The following MEP1A variants were observed in gnomAD, a reference collection of about 807,000 sequenced individuals.
MEP1A encodes the protein meprin A subunit alpha, also known as N-benzoyl-L-tyrosyl-P-amino-benzoic acid hydrolase subunit alpha.
In MEP1A, 68 loss-of-function variants were observed where a neutral mutation model predicts 84.5. The ratio of observed to expected loss-of-function variants is 0.80; its 90% CI spans 0.66 to 0.98. The LOEUF is 0.98. Among genes scored for constraint, MEP1A ranks in the 50% least tolerant of loss-of-function variants. MEP1A has a pLI of 0.00. For missense variants in MEP1A, 887 were observed against 919.9 expected (o/e 0.96, Z 0.46); for synonymous variants, 337 against 336.8 (o/e 1.00, Z -0.01).
At chr6:46,808,313 A>G (rs1767412109) in intron 5 of MEP1A, among the ~76,000 whole-genome samples, 1 of 152,018 alleles carries the variant, frequency 6.6e-6, no homozygotes, top group Admixed American at 6.6e-5. Flanking sequence ...TTTATTGACT[A>G]TTCCCATGAC....
At chr6:46,807,770 GGAAA>G (rs545795578) in intron 5 of MEP1A, among the ~76,000 whole-genome samples, 12,208 of 97,014 alleles carry the variant, frequency 0.13, 889 homozygotes, top group African/African-American at 0.16. Flanking sequence ...AAGGGAGAAA[GGAAA>G]GAAAGAAAGA....
intron 7 of MEP1A, among the ~76,000 whole-genome samples, chr6:46,823,608 G>A (rs751355550): frequency 2.0e-5 from 3 of 152,136 alleles, no homozygotes; most frequent in Admixed American, 6.6e-5. Flanking sequence ...CAAAAACTCC[G>A]TCTCAAAACT....
At chr6:46,840,067 C>A (rs1277808663), downstream of MEP1A, among the ~76,000 whole-genome samples, 1 of 151,566 alleles carries the variant, frequency 6.6e-6, no homozygotes, top group African/African-American at 2.4e-5. Context: ...TTTCTATACC[C>A]AATCAGCAAT....
chr6:46,812,420 C>A (rs1192060210), intron 6 of MEP1A, among the ~76,000 whole-genome samples: 1 of 151,804 alleles, frequency 6.6e-6, no homozygotes, highest in African/African-American at 2.4e-5. Context: ...TTCAAAGAAC[C>A]AGATTTTTGT....
chr6:46,819,126 A>G (rs1311244121), intron 6 of MEP1A, among the ~76,000 whole-genome samples: 2 of 152,186 alleles, frequency 1.3e-5, no homozygotes, highest in East Asian at 3.9e-4. Flanking sequence ...TCTCAAAAAA[A>G]TTAAATCAAC....
At chr6:46,842,781 G>A (rs1427519163), downstream of MEP1A, among the ~76,000 whole-genome samples, 1 of 152,044 alleles carries the variant, frequency 6.6e-6, no homozygotes, top group Admixed American at 6.6e-5. Flanking sequence ...TGCAGCTTAG[G>A]GGACATAACG....
intron 9 of MEP1A, 112 bp from the exon 10 acceptor site, chr6:46,829,244 A>G: frequency 1.2e-6 from 1 of 802,902 alleles, no homozygotes; most frequent in Non-Finnish European, 2.1e-6. Flanking sequence ...GAAGAGTTCT[A>G]GTTTTTGTTG....
intron 6 of MEP1A, among the ~76,000 whole-genome samples, chr6:46,809,835 ATAT>A (rs1767453176): frequency 8.6e-6 from 1 of 115,780 alleles, no homozygotes; most frequent in African/African-American, 3.9e-5. Flanking sequence ...TATTTTACAT[ATAT>A]TTTTTTTTCT....
intron 9 of MEP1A, among the ~76,000 whole-genome samples, chr6:46,828,773 T>A (rs1471688795): frequency 6.6e-6 from 1 of 152,194 alleles, no homozygotes; most frequent in Non-Finnish European, 1.5e-5. Context: ...TCCAATTCCT[T>A]CCTTTACATT....
intron 10 of MEP1A, among the ~76,000 whole-genome samples, chr6:46,830,795 C>T (rs1334758127): frequency 1.3e-5 from 2 of 152,140 alleles, no homozygotes; most frequent in African/African-American, 2.4e-5. Context: ...CTCTACAAAT[C>T]ACAGTTTTGA....
chr6:46,841,650 T>C (rs1768332597), downstream of MEP1A, among the ~76,000 whole-genome samples: 2 of 152,200 alleles, frequency 1.3e-5, no homozygotes, highest in Admixed American at 1.3e-4. Context: ...CTTGAAAATT[T>C]GAGAATGTCT....
At chr6:46,826,157 A>G (rs963429304) in intron 8 of MEP1A, among the ~76,000 whole-genome samples, 197 bp from the exon 9 acceptor site, 1 of 152,116 alleles carries the variant, frequency 6.6e-6, no homozygotes, top group Non-Finnish European at 1.5e-5. Context: ...TGACTCTGTG[A>G]GGTAGGTAGG....
chr6:46,830,959 C>T lies in MEP1A; in HGVS notation c.1144+1388C>T, dbSNP rs139609494. ...AGAGTTTCAATAATATTGATGGGAC[C>T]TATTATCACTCACTTTCATCTAAAG... On this transcript the variant is annotated intron_variant, in intron 10 of 13. Coordinates refer to ENST00000230588, the MANE Select transcript of MEP1A (RefSeq NM_005588.3). 7.2e-3 allele frequency among the ~76,000 whole-genome samples: 1,096 copies of T among 152,216 alleles called. 8 individuals carry two copies. Among genetic ancestry groups the T allele is most frequent in the African/African-American group, 0.025 (1,041 of 41,528 alleles).
chr6:46,794,856 T>A, intron 3 of MEP1A, among the ~76,000 whole-genome samples: 1 of 152,188 alleles, frequency 6.6e-6, no homozygotes, highest in Admixed American at 6.5e-5. Flanking sequence ...TCATCATTAT[T>A]TATCTAATAA....
intron 7 of MEP1A, among the ~76,000 whole-genome samples, chr6:46,820,415 A>T (rs1767741147): frequency 6.6e-6 from 1 of 152,102 alleles, no homozygotes; most frequent in Non-Finnish European, 1.5e-5. Context: ...TTTGAGACAG[A>T]GTTTTGCTCT....
At chr6:46,807,828 AAAGAAAGAAAGG>A (rs771845915) in intron 5 of MEP1A, among the ~76,000 whole-genome samples, 4,109 of 140,322 alleles carry the variant, frequency 0.029, 163 homozygotes, top group Non-Finnish European at 0.042. Context: ...AGAAAGAAAG[AAAGAAAGAAAGG>A]AAGAAAGGAA....
intron 7 of MEP1A, among the ~76,000 whole-genome samples, chr6:46,821,847 T>A (rs1248070443): frequency 6.6e-6 from 1 of 152,208 alleles, no homozygotes; most frequent in African/African-American, 2.4e-5. Context: ...TCCGTATATC[T>A]AAATTGCCTG....
chr6:46,807,681 AAGGAGG>A (rs200656422), intron 5 of MEP1A, among the ~76,000 whole-genome samples: 2 of 145,508 alleles, frequency 1.4e-5, no homozygotes, highest in East Asian at 2.1e-4. Context: ...GGAGGAGGAG[AAGGAGG>A]AGGAGGAGGA....
intron 6 of MEP1A, among the ~76,000 whole-genome samples, chr6:46,811,811 G>A (rs1056586805): frequency 1.3e-5 from 2 of 151,948 alleles, no homozygotes; most frequent in Non-Finnish European, 2.9e-5. Context: ...CTGCATCCCT[G>A]GTATGAAACC....
Sources: allele counts gnomAD v4.1 joint callset (sites outside exome capture counted in the v4.1 genomes callset), GRCh38; gene constraint gnomAD v4.1.1; transcripts MANE v1.5; gene names NCBI Gene and HGNC (gene_info 2026-07-23, HGNC 2026-07-21).